OGFRL1: variants seen among roughly 807,000 people sequenced by gnomAD.
OGFRL1 encodes opioid growth factor receptor-like protein 1.
In OGFRL1, 26 loss-of-function variants were observed where a neutral mutation model predicts 32.4. That is an observed-to-expected ratio of 0.80 (90% CI 0.59 to 1.11). OGFRL1 has a LOEUF of 1.11. Among genes scored for constraint, OGFRL1 ranks in the 50% most tolerant of loss-of-function variants. OGFRL1 has a pLI of 0.00. For synonymous variants in OGFRL1, 211 were observed against 201.2 expected (o/e 1.05, Z -0.41); for missense variants, 521 against 546.4 (o/e 0.95, Z 0.46).
At position 71,305,204 on chromosome 6, in the gene OGFRL1, C is replaced by G. The variant is rs1287661750; in HGVS notation, c.*3155C>G. On this transcript the variant is annotated 3_prime_UTR_variant, in exon 7 of 7. Transcript: ENST00000370435. ...TGGCTATTGATAAAATACTAACTTG[C>G]ATTTCATGGCAAATAGATGTTATAT... is the stretch of plus-strand genomic sequence containing the variant. 1 of 151,956 alleles carries G rather than the reference C, an allele frequency of 6.6e-6. No individual in the cohort carries two copies. Among genetic ancestry groups the G allele is most frequent in the Non-Finnish European group, 1.5e-5 (1 of 67,888 alleles). 9.4% of individuals were successfully genotyped at this position (151,956 alleles called of 1,614,324 possible).
At position 71,307,390 on chromosome 6, in the gene OGFRL1, A is replaced by G. The variant is rs1766585223; in HGVS notation, c.*5341A>G. Reference sequence around the variant, plus strand: ...CAGTTCTCATAAAATACCTGCTACAATTTATTTATTTTGTAGTTGTTTAGA... The same window carrying G: ...CAGTTCTCATAAAATACCTGCTACAGTTTATTTATTTTGTAGTTGTTTAGA... On this transcript the variant is annotated 3_prime_UTR_variant, in exon 7 of 7. Transcript: ENST00000370435. 1 of 152,110 alleles carries G rather than the reference A, an allele frequency of 6.6e-6. No homozygotes were observed. Among genetic ancestry groups the G allele is most frequent in the Non-Finnish European group, 1.5e-5 (1 of 68,016 alleles). The allele number at this position is 152,110 out of a possible 1,614,324, so 9.4% of individuals were successfully genotyped here.
At chr6:71,289,419 A>T (rs1765970670) in intron 1 of OGFRL1, 1 of 985,162 alleles carries the variant, frequency 1.0e-6, no homozygotes, top group South Asian at 4.7e-5. Flanking sequence ...GAAGTCCCTC[A>T]AGGCAGAACC....
intron 3 of OGFRL1, among the ~76,000 whole-genome samples, chr6:71,294,179 A>G (rs780570499): frequency 3.3e-5 from 5 of 152,076 alleles, no homozygotes; most frequent in African/African-American, 7.2e-5. Flanking sequence ...CTCCTTCCCA[A>G]CTCTGCAATT....
Position 71,289,026 on chromosome 6 carries a change from G to A in OGFRL1, c.90G>A (p.Glu30=). 7.4e-7 allele frequency: 1 copy of A among 1,354,580 alleles called. No homozygotes were observed. Among genetic ancestry groups the A allele is most frequent in the Admixed American group, 2.2e-5 (1 of 44,952 alleles). The allele number at this position is 1,354,580 out of a possible 1,614,324, so 83.9% of individuals were successfully genotyped here. Reference sequence around the variant, plus strand: ...CCTGGCAGACCGACTCGGAGCCCGAGCCCGAAGAACCAGGGCCGGGCGGCG... The same window carrying A: ...CCTGGCAGACCGACTCGGAGCCCGAACCCGAAGAACCAGGGCCGGGCGGCG... ...DSTWQTDSEP[E]PEEPGPGGGS... Residue 30 remains glutamate (E), a synonymous_variant, in exon 1 of 7, where the codon GAG becomes GAA. Coordinates refer to ENST00000370435, the MANE Select transcript of OGFRL1 (RefSeq NM_024576.5).
chr6:71,293,883 G>T (rs190985341), intron 3 of OGFRL1, among the ~76,000 whole-genome samples: 117 of 152,318 alleles, frequency 7.7e-4, no homozygotes, highest in African/African-American at 2.7e-3. Flanking sequence ...GAACAGTAGA[G>T]AAGATCAAAT....
Position 71,296,760 on chromosome 6 carries a change from A to C in OGFRL1, c.635A>C (p.Lys212Thr). The change falls in exon 6 of 7, where the codon AAA becomes ACA. Residue 212 changes from lysine to threonine, a missense_variant. Lys to Thr is a moderately conservative substitution (Grantham distance 78). Coordinates refer to ENST00000370435, the MANE Select transcript of OGFRL1 (RefSeq NM_024576.5). ...TTTTTTGGAATAAAACTGACTGATAAAACTGGAAATGTTGCTCGGGCTGTT... is the reference window on the plus strand; with the variant it reads ...TTTTTTGGAATAAAACTGACTGATACAACTGGAAATGTTGCTCGGGCTGTT... ...LEFFGIKLTD[K>T]TGNVARAVNW... 6.2e-7 allele frequency: 1 copy of C among 1,613,710 alleles called. No individual in the cohort carries two copies. The highest frequency in any genetic ancestry group is 8.5e-7 in the Non-Finnish European group (1 of 1,179,722).
chr6:71,302,567 A>T lies in OGFRL1; in HGVS notation c.*518A>T, dbSNP rs9346459. ...GCTCACTGCAACCTCTGCCTCCTGGACTCAAACGATTCTCCTGCCTCAGCC... is the reference window on the plus strand; with the variant it reads ...GCTCACTGCAACCTCTGCCTCCTGGTCTCAAACGATTCTCCTGCCTCAGCC... On this transcript the variant is annotated 3_prime_UTR_variant, in exon 7 of 7. Transcript: ENST00000370435. 6.6e-6 allele frequency: 1 copy of T among 152,096 alleles called. No individual in the cohort carries two copies. Among genetic ancestry groups the T allele is most frequent in the African/African-American group, 2.4e-5 (1 of 41,360 alleles). 9.4% of individuals were successfully genotyped at this position (152,096 alleles called of 1,614,324 possible).
chr6:71,307,702 G>A lies in OGFRL1; in HGVS notation c.*5653G>A, dbSNP rs149465065. On this transcript the variant is annotated 3_prime_UTR_variant, in exon 7 of 7. Coordinates refer to ENST00000370435, the MANE Select transcript of OGFRL1 (RefSeq NM_024576.5). ...AATTATACTTTGTGTAACAATTTAC[G>A]TTAACTAGAAAAATTAGATATATAA... 3.9e-4 allele frequency: 60 copies of A among 152,138 alleles called. No homozygotes were observed. Among genetic ancestry groups the A allele is most frequent in the African/African-American group, 1.2e-3 (51 of 41,520 alleles). The allele number at this position is 152,138 out of a possible 1,614,324, so 9.4% of individuals were successfully genotyped here.
Position 71,301,355 on chromosome 6 carries a change from C to G in OGFRL1, c.693-31C>G, listed in dbSNP as rs573621495. 8.6e-6 allele frequency: 13 copies of G among 1,506,932 alleles called. No individual in the cohort carries two copies. The South Asian group carries it at 1.7e-4, about 20-fold the overall frequency. 93.3% of individuals were successfully genotyped at this position (1,506,932 alleles called of 1,614,324 possible). A position where few individuals can be genotyped will look rare whatever the true frequency, so the allele number is the denominator to read the frequency against. On this transcript the variant is annotated intron_variant, in intron 6 of 6. Coordinates refer to ENST00000370435, the MANE Select transcript of OGFRL1 (RefSeq NM_024576.5). ...TCCTGCCTTCCTACACCTGATTTCC[C>G]CCACTCATTTTATTCAATCCTCTCT...
Position 71,296,549 on chromosome 6 carries a change from A to T in OGFRL1, c.534A>T (p.Thr178=). ...ACTTCTATGCCAAAGAACTAACTAC[A>T]TATGAAATTGAGGTAATGCAAGCTC... ...GLNFYAKELT[T]YEIEEFKKTK... The change falls in exon 5 of 7, where the codon ACA becomes ACT. Residue 178 remains threonine, a synonymous_variant. Coordinates refer to ENST00000370435, the MANE Select transcript of OGFRL1 (RefSeq NM_024576.5). 6.2e-7 allele frequency: 1 copy of T among 1,611,984 alleles called. No homozygotes were observed. The highest frequency in any genetic ancestry group is 1.1e-5 in the South Asian group (1 of 90,328).
At chr6:71,299,407 CTCA>C (rs377569623) in intron 6 of OGFRL1, among the ~76,000 whole-genome samples, 31 of 152,256 alleles carry the variant, frequency 2.0e-4, no homozygotes, top group Non-Finnish European at 4.0e-4. Flanking sequence ...TTCTGGGATA[CTCA>C]TCATCATTTT....
chr6:71,301,382 C>A lies in OGFRL1; in HGVS notation c.693-4C>A. On this transcript the variant is annotated splice_region_variant and splice_polypyrimidine_tract_variant and intron_variant, in intron 6 of 6. Coordinates refer to ENST00000370435, the MANE Select transcript of OGFRL1 (RefSeq NM_024576.5). ...CACTCATTTTATTCAATCCTCTCTT[C>A]CAGGTCCCAGCACAACTATTTAAGA... 3 of 1,554,188 alleles carry A rather than the reference C, an allele frequency of 1.9e-6. No homozygotes were observed. Among genetic ancestry groups the A allele is most frequent in the Middle Eastern group, 1.7e-4 (1 of 5,756 alleles).
chr6:71,305,266 C>T lies in OGFRL1; in HGVS notation c.*3217C>T, dbSNP rs572287684. On this transcript the variant is annotated 3_prime_UTR_variant, in exon 7 of 7. Coordinates refer to ENST00000370435, the MANE Select transcript of OGFRL1 (RefSeq NM_024576.5). ...TCTAGAACATTTCTAATATTTTGTGCTTTCATATATCAAAGGAGATTATGT... is the reference window on the plus strand; with the variant it reads ...TCTAGAACATTTCTAATATTTTGTGTTTTCATATATCAAAGGAGATTATGT... The T allele has an allele frequency of 6.6e-5, 10 of 152,016 alleles. No homozygotes were observed. The East Asian group carries it at 1.3e-3, about 21-fold the overall frequency. The allele number at this position is 152,016 out of a possible 1,614,324, so 9.4% of individuals were successfully genotyped here.
At chr6:71,295,890 T>C (rs1381393563) in intron 3 of OGFRL1, 1 of 153,856 alleles carries the variant, frequency 6.5e-6, no homozygotes, top group Non-Finnish European at 1.4e-5. Flanking sequence ...TGGCAAACTT[T>C]CTATACAGGG....
Position 71,301,696 on chromosome 6 carries a change from A to T in OGFRL1, c.1003A>T (p.Ser335Cys). The T allele has an allele frequency of 6.2e-7, 1 of 1,614,038 alleles. No homozygotes were observed. Among genetic ancestry groups the T allele is most frequent in the Non-Finnish European group, 8.5e-7 (1 of 1,180,022 alleles). The change falls in exon 7 of 7, where the codon AGT (serine) becomes TGT (cysteine). Residue 335 changes from serine to cysteine, a missense_variant. Coordinates refer to ENST00000370435, the MANE Select transcript of OGFRL1 (RefSeq NM_024576.5). ...AQKMSSPLAS[S>C]HNSQTSMHKK... Reference sequence around the variant, plus strand: ...GAAAATGTCTTCCCCTCTCGCCTCCAGTCATAACAGTCAAACTTCTATGCA... The same window carrying T: ...GAAAATGTCTTCCCCTCTCGCCTCCTGTCATAACAGTCAAACTTCTATGCA...
Position 71,296,695 on chromosome 6 carries a change from A to G in OGFRL1, c.570A>G (p.Ala190=), listed in dbSNP as rs1166921614. The change falls in exon 6 of 7, where the codon GCA becomes GCG. Residue 190 remains alanine, a synonymous_variant. Coordinates refer to ENST00000370435, the MANE Select transcript of OGFRL1 (RefSeq NM_024576.5). Reference sequence around the variant, plus strand: ...AGGAATTCAAAAAAACAAAAGAAGCAATTAGAAGATTCCTCCTGGCTTATA... The same window carrying G: ...AGGAATTCAAAAAAACAAAAGAAGCGATTAGAAGATTCCTCCTGGCTTATA... ...EIEEFKKTKE[A]IRRFLLAYKM... 1 of 1,612,098 alleles carries G rather than the reference A, an allele frequency of 6.2e-7. No homozygotes were observed.
intron 3 of OGFRL1, 118 bp from the exon 4 acceptor site, chr6:71,296,199 C>A: frequency 1.5e-6 from 1 of 665,552 alleles, no homozygotes; most frequent in Non-Finnish European, 2.6e-6. Flanking sequence ...AAGCACTATT[C>A]TTGTGTGCTA....
In OGFRL1 at chr6:71,289,096, C is replaced by T. The variant is rs560427561; in HGVS notation, c.160C>T (p.Pro54Ser). 2.1e-5 allele frequency: 24 copies of T among 1,117,414 alleles called. No individual in the cohort carries two copies. Among genetic ancestry groups the T allele is most frequent in the Non-Finnish European group, 2.4e-5 (22 of 916,074 alleles). 69.2% of individuals were successfully genotyped at this position (1,117,414 alleles called of 1,614,324 possible). A position where few individuals can be genotyped will look rare whatever the true frequency, so the allele number is the denominator to read the frequency against. The change falls in exon 1 of 7, where the codon CCG (proline) becomes TCG (serine). Residue 54 changes from proline to serine, a missense_variant. Transcript: ENST00000370435. ...GGAGTCCGAGCAGCCCGCGCAGCCC[C>T]CGGAGCAAGCCGGCGGGCGGCCCGG... The part of the protein sequence containing the change: ...GQESEQPAQP[P>S]EQAGGRPGAS...
In OGFRL1 at chr6:71,289,128, C is replaced by G. The variant is rs1457519339; in HGVS notation, c.192C>G (p.Ser64Arg). 18 of 1,107,964 alleles carry G rather than the reference C, an allele frequency of 1.6e-5. No homozygotes were observed. The Admixed American group carries it at 8.2e-4, about 50-fold the overall frequency. The allele number at this position is 1,107,964 out of a possible 1,614,324, so 68.6% of individuals were successfully genotyped here. ...AAGCCGGCGGGCGGCCCGGCGCCAG[C>G]CCCGCGCCGGACGAGGACGCCGAGG... ...PEQAGGRPGA[S>R]PAPDEDAEAA... is the part of the protein sequence containing the mutation. Residue 64 changes from serine (S) to arginine (R), a missense_variant, in exon 1 of 7, where the codon AGC becomes AGG. Physicochemically the swap from Ser to Arg is moderately radical, Grantham distance 110 (BLOSUM62 -1). Transcript: ENST00000370435.
Sources: gnomAD v4.1 joint callset for allele counts (sites outside exome capture counted in the v4.1 genomes callset) on GRCh38, gnomAD v4.1.1 for gene constraint, MANE v1.5 for transcripts, NCBI Gene and HGNC (gene_info 2026-07-23, HGNC 2026-07-21) for gene names.